NAV2: variants seen among roughly 807,000 people sequenced by gnomAD.
The protein encoded by NAV2 is helicase, APC down-regulated 1.
NAV2 carries 54 observed loss-of-function variants against 223.2 expected under a neutral mutation model. That is an observed-to-expected ratio of 0.24 (90% CI 0.19 to 0.30). The LOEUF is 0.30. Ranked by LOEUF, NAV2 falls within the 10% of genes least tolerant of loss-of-function variation. The pLI is 1.00. For synonymous variants in NAV2, 1,279 were observed against 1,239.3 expected, an observed-to-expected ratio of 1.03 and a Z score of -0.67; for missense variants, 2,806 against 3,147.5, an observed-to-expected ratio of 0.89 and a Z score of 2.60.
Position 20,101,149 on chromosome 11 carries a change from A to G in NAV2, c.6394A>G (p.Asn2132Asp), listed in dbSNP as rs779225659. The G allele has an allele frequency of 6.2e-6, 10 of 1,613,370 alleles. No individual in the cohort carries two copies. Among genetic ancestry groups the G allele is most frequent in the African/African-American group, 1.3e-5 (1 of 74,898 alleles). ...ELTDGVIATF[N>D]VDHKSSKELR... ...GACAGACGGGGTTATCGCCACCTTTAACGTGGACCATAAGTCCAGCAAGGT... is the reference window on the plus strand; with the variant it reads ...GACAGACGGGGTTATCGCCACCTTTGACGTGGACCATAAGTCCAGCAAGGT... Residue 2132 changes from asparagine to aspartate, a missense_variant, in exon 32 of 38, where the codon AAC becomes GAC. Physicochemically the swap from Asn to Asp is conservative, Grantham distance 23. This residue lies in a region of NAV2 where 824 missense variants were observed against 1,069.4 expected (regional missense o/e 0.77). Transcript: ENST00000349880.
At chr11:19,618,563 A>G (rs1467154918) in intron 1 of NAV2, among the ~76,000 whole-genome samples, 2 of 152,042 alleles carry the variant, frequency 1.3e-5, no homozygotes, top group Non-Finnish European at 2.9e-5. Context: ...CTCAAGGCTC[A>G]TCCTTGTCAT....
intron 1 of NAV2, among the ~76,000 whole-genome samples, chr11:19,638,236 C>A (rs1195344199): frequency 6.6e-6 from 1 of 152,188 alleles, no homozygotes; most frequent in Non-Finnish European, 1.5e-5. Flanking sequence ...CCCTTTGATA[C>A]TGGGAAGTTT....
chr11:19,580,464 G>A (rs1257879720), intron 1 of NAV2, among the ~76,000 whole-genome samples: 2 of 152,034 alleles, frequency 1.3e-5, no homozygotes, highest in East Asian at 3.8e-4. Context: ...CATGGGGAGG[G>A]CCTGAGTGTG....
At chr11:19,718,204 T>C (rs183136329) in intron 1 of NAV2, among the ~76,000 whole-genome samples, 1 of 152,218 alleles carries the variant, frequency 6.6e-6, no homozygotes, top group Admixed American at 6.5e-5. Context: ...ATTAGGACCA[T>C]GTGCAGAGAG....
chr11:19,734,605 T>G (rs570553194), intron 1 of NAV2, among the ~76,000 whole-genome samples: 1 of 152,206 alleles, frequency 6.6e-6, no homozygotes, highest in Non-Finnish European at 1.5e-5. Context: ...GGTCATACAT[T>G]GGCATTTTAA....
rs1213517989 is a variant in NAV2, at chr11:19,946,455, G to A, written c.2201G>A (p.Arg734Gln). Residue 734 changes from arginine to glutamine, a missense_variant, in exon 9 of 38, where the codon CGG becomes CAG. By Grantham distance (43) the Arg-to-Gln change is conservative. Around this residue, in one of 4 missense-constraint regions of NAV2, gnomAD observed 1,167 missense variants for 1,180.5 expected, o/e 0.99. Coordinates refer to ENST00000349880, the MANE Select transcript of NAV2 (RefSeq NM_145117.5). ...ACAGTGAAGAACATCGCTGATCTGCGGCAGAATTTGGAGGAAACCATGTCC... is the reference window on the plus strand; with the variant it reads ...ACAGTGAAGAACATCGCTGATCTGCAGCAGAATTTGGAGGAAACCATGTCC... ...LRTVKNIADLRQNLEETMSSL... is the reference protein window; with the variant it reads ...LRTVKNIADLQQNLEETMSSL... 6.8e-6 allele frequency: 11 copies of A among 1,613,704 alleles called. No homozygotes were observed. The highest frequency in any genetic ancestry group is 2.2e-5 in the East Asian group (1 of 44,858).
chr11:19,591,055 C>T lies in NAV2; in HGVS notation c.75+240028C>T, dbSNP rs543876166. ...GCCCTAGCAGTTGAATTGTAGAAAGCATATTGTTATTTTGGCTAATGAGCA... is the reference window on the plus strand; with the variant it reads ...GCCCTAGCAGTTGAATTGTAGAAAGTATATTGTTATTTTGGCTAATGAGCA... On this transcript the variant is annotated intron_variant, in intron 1 of 37. Coordinates refer to the NAV2 transcript ENST00000360655. The T allele has an allele frequency of 3.9e-5, 6 of 152,294 alleles. No homozygotes were observed. In the South Asian group the frequency reaches 1.2e-3, roughly 32 times the overall value. 9.4% of individuals were successfully genotyped at this position (152,294 alleles called of 1,614,324 possible). A position where few individuals can be genotyped will look rare whatever the true frequency, so the allele number is the denominator to read the frequency against.
intron 1 of NAV2, among the ~76,000 whole-genome samples, chr11:19,828,810 T>A (rs1354535549): frequency 6.6e-6 from 1 of 152,176 alleles, no homozygotes; most frequent in Non-Finnish European, 1.5e-5. Flanking sequence ...CCTAGGAAAG[T>A]TCGTTTGGCA....
intron 1 of NAV2, among the ~76,000 whole-genome samples, chr11:19,824,103 A>G (rs1415539096): frequency 6.6e-6 from 1 of 152,166 alleles, no homozygotes; most frequent in Non-Finnish European, 1.5e-5. Flanking sequence ...AATATTAATA[A>G]TGGTTGTTTA....
chr11:19,672,751 G>A (rs1297386265), intron 1 of NAV2, among the ~76,000 whole-genome samples: 1 of 152,192 alleles, frequency 6.6e-6, no homozygotes, highest in African/African-American at 2.4e-5. Flanking sequence ...GCTCAGGATA[G>A]GCCCATGGGC....
intron 1 of NAV2, among the ~76,000 whole-genome samples, chr11:19,489,772 T>A (rs903586202): frequency 2.6e-5 from 4 of 152,212 alleles, no homozygotes; most frequent in African/African-American, 9.6e-5. Context: ...CTAACAAAGA[T>A]AGATGCTTCT....
At chr11:20,000,078 C>T (rs2584841) in intron 11 of NAV2, among the ~76,000 whole-genome samples, 13,506 of 152,134 alleles carry the variant, frequency 0.089, 831 homozygotes, top group African/African-American at 0.15. Context: ...ATTCCCTGAC[C>T]TCTGTCCTTG....
chr11:19,841,498 C>T (rs1396132146), intron 2 of NAV2, among the ~76,000 whole-genome samples: 1 of 152,034 alleles, frequency 6.6e-6, no homozygotes, highest in East Asian at 1.9e-4. Flanking sequence ...ATTTTGTGAG[C>T]AGTTATTGAG....
chr11:19,436,002 C>G (rs1851201608), intron 1 of NAV2, among the ~76,000 whole-genome samples: 1 of 151,962 alleles, frequency 6.6e-6, no homozygotes, highest in South Asian at 2.1e-4. Context: ...GCAAATATTT[C>G]CCCCCAGTCT....
intron 1 of NAV2, among the ~76,000 whole-genome samples, chr11:19,631,843 T>C (rs1313626568): frequency 6.6e-6 from 1 of 152,254 alleles, no homozygotes; most frequent in East Asian, 1.9e-4. Context: ...ATTAGGAGCC[T>C]GTGTGCTGTC....
At chr11:19,470,336 A>T (rs963040702) in intron 1 of NAV2, among the ~76,000 whole-genome samples, 1 of 152,218 alleles carries the variant, frequency 6.6e-6, no homozygotes, top group African/African-American at 2.4e-5. Flanking sequence ...CAATTTACCA[A>T]GCCATGTGCA....
chr11:19,875,127 AG>A (rs1359160036), intron 4 of NAV2, among the ~76,000 whole-genome samples: 2 of 152,240 alleles, frequency 1.3e-5, no homozygotes, highest in Non-Finnish European at 2.9e-5. Flanking sequence ...ACTGCACTCC[AG>A]CCTGGATGAC....
chr11:20,103,721 T>C lies in NAV2; in HGVS notation c.6641T>C (p.Phe2214Ser). The C allele has an allele frequency of 6.2e-7, 1 of 1,614,026 alleles. No homozygotes were observed. Among genetic ancestry groups the C allele is most frequent in the Non-Finnish European group, 8.5e-7 (1 of 1,179,864 alleles). ...CCCAACCTGCAGCTTCACCATAACTTCAGGTCAGTTTTCCCTTCCCTTGTC... is the reference window on the plus strand; with the variant it reads ...CCCAACCTGCAGCTTCACCATAACTCCAGGTCAGTTTTCCCTTCCCTTGTC... ...STPNLQLHHN[F>S]RWVLCANHTE... The change falls in exon 34 of 38, where the codon TTC becomes TCC. Residue 2214 changes from phenylalanine (F) to serine (S), a missense_variant. By Grantham distance (155) the Phe-to-Ser change is radical. Around this residue, in one of 4 missense-constraint regions of NAV2, gnomAD observed 824 missense variants for 1,069.4 expected, o/e 0.77. Transcript: ENST00000349880.
At chr11:19,776,726 A>C (rs1341948286) in intron 1 of NAV2, among the ~76,000 whole-genome samples, 2 of 150,396 alleles carry the variant, frequency 1.3e-5, no homozygotes, top group Non-Finnish European at 3.0e-5. Context: ...CCATAGTTCC[A>C]ACTGCTCCAG....
Sources: gnomAD v4.1 joint callset for allele counts (sites outside exome capture counted in the v4.1 genomes callset) on GRCh38, gnomAD v4.1.1 for gene constraint, gnomAD v4.1.1 regional missense constraint, MANE v1.5 for transcripts, NCBI Gene and HGNC (gene_info 2026-07-23, HGNC 2026-07-21) for gene names.